MAPK10: variants seen among roughly 807,000 people sequenced by gnomAD.
The protein encoded by MAPK10 is mitogen-activated protein kinase 10.
A neutral mutation model predicts 59.3 loss-of-function variants in MAPK10; 25 were observed. The ratio of observed to expected loss-of-function variants is 0.42; its 90% CI spans 0.31 to 0.59. MAPK10 has a LOEUF of 0.59. Among genes scored for constraint, MAPK10 ranks in the 20% least tolerant of loss-of-function variants. MAPK10 has a pLI of 0.15. For missense variants in MAPK10, 351 were observed against 568.9 expected, an observed-to-expected ratio of 0.62 and a Z score of 3.90; for synonymous variants, 190 against 200.5, an observed-to-expected ratio of 0.95 and a Z score of 0.44.
chr4:86,137,428 A>T (rs544910383), intron 4 of MAPK10, among the ~76,000 whole-genome samples: 9 of 138,612 alleles, frequency 6.5e-5, no homozygotes, highest in Non-Finnish European at 1.2e-4. Context: ...CTGCTCCTGA[A>T]TGACTACTGG....
intron 1 of MAPK10, among the ~76,000 whole-genome samples, chr4:86,389,172 C>A (rs939238666): frequency 6.6e-6 from 1 of 152,056 alleles, no homozygotes; most frequent in Non-Finnish European, 1.5e-5. Context: ...CAGCTCCCCC[C>A]ACCCTCTTGC....
At chr4:86,259,584 C>T (rs2093900849) in intron 2 of MAPK10, among the ~76,000 whole-genome samples, 1 of 151,994 alleles carries the variant, frequency 6.6e-6, no homozygotes, top group Non-Finnish European at 1.5e-5. Context: ...TTTATATTTC[C>T]AATAGTGGGA....
At chr4:86,134,379 A>T (rs1172157980) in intron 4 of MAPK10, among the ~76,000 whole-genome samples, 2 of 152,214 alleles carry the variant, frequency 1.3e-5, no homozygotes, top group African/African-American at 4.8e-5. Flanking sequence ...ACAAATTGAA[A>T]ATTTCTCTGA....
intron 1 of MAPK10, among the ~76,000 whole-genome samples, chr4:86,418,509 A>T (rs759045595): frequency 6.6e-6 from 1 of 152,250 alleles, no homozygotes. Flanking sequence ...ATAAATTATA[A>T]GCTAAAATTA....
chr4:86,346,911 C>T (rs1462357334), intron 2 of MAPK10, among the ~76,000 whole-genome samples: 1 of 152,096 alleles, frequency 6.6e-6, no homozygotes, highest in East Asian at 1.9e-4. Flanking sequence ...TGCACACACA[C>T]ATATGTCTTA....
rs773849072 is a variant in MAPK10 at position 86,061,502 on chromosome 4, CAT to C, written c.1110+2762_1110+2763del. Among the ~76,000 whole-genome samples the C allele has an allele frequency of 4.6e-5, 7 of 152,216 alleles. No homozygotes were observed. The East Asian group carries it at 7.7e-4, about 17-fold the overall frequency. ...ATCCAATTTTTAAAATTTTCTAACT[CAT>C]GTGTACATGACTAATTTTCCCTCTC... On this transcript the variant is annotated intron_variant, in intron 11 of 13. Coordinates refer to ENST00000641462, the MANE Select transcript of MAPK10 (RefSeq NM_138982.4).
chr4:86,171,259 C>A (rs2074033772), intron 3 of MAPK10, among the ~76,000 whole-genome samples: 1 of 152,022 alleles, frequency 6.6e-6, no homozygotes, highest in Non-Finnish European at 1.5e-5. Context: ...ACACAAAAAA[C>A]CCTTCAAAAA....
At chr4:86,345,628 G>T (rs1012303660) in intron 2 of MAPK10, among the ~76,000 whole-genome samples, 4 of 152,100 alleles carry the variant, frequency 2.6e-5, no homozygotes, top group Admixed American at 1.3e-4. Flanking sequence ...TAAAAATCTA[G>T]CTTCAAGGGC....
chr4:86,348,694 A>T (rs1190023300), intron 2 of MAPK10, among the ~76,000 whole-genome samples: 1 of 152,180 alleles, frequency 6.6e-6, no homozygotes, highest in African/African-American at 2.4e-5. Context: ...TATGTGCAGT[A>T]CCTACTATCT....
In MAPK10 at chr4:86,159,390, G is replaced by A; in HGVS notation, c.144C>T (p.Phe48=). The change falls in exon 4 of 14, where the codon TTC becomes TTT. Residue 48 remains phenylalanine, a synonymous_variant. Transcript: ENST00000641462. ...NMSKSKVDNQ[F]YSVEVGDSTF... Reference sequence around the variant, plus strand: ...TTGAGTCTCCCACTTCCACACTGTAGAACTGGTTGTCAACTTTGCTTTTGC... The same window carrying A: ...TTGAGTCTCCCACTTCCACACTGTAAAACTGGTTGTCAACTTTGCTTTTGC... 1 of 1,612,872 alleles carries A rather than the reference G, an allele frequency of 6.2e-7. No individual in the cohort carries two copies. The highest frequency in any genetic ancestry group is 8.5e-7 in the Non-Finnish European group (1 of 1,179,172).
At chr4:86,350,811 G>A (rs1275887234) in intron 2 of MAPK10, among the ~76,000 whole-genome samples, 1 of 152,146 alleles carries the variant, frequency 6.6e-6, no homozygotes, top group African/African-American at 2.4e-5. Context: ...AGTATGCTAG[G>A]CTACTTAAAT....
At chr4:86,455,627 A>G (rs1234501737), upstream of MAPK10, among the ~76,000 whole-genome samples, 3 of 152,188 alleles carry the variant, frequency 2.0e-5, no homozygotes, top group East Asian at 3.8e-4. Context: ...ATATAAATGC[A>G]CCTAACACTA....
At chr4:86,519,287 T>G (rs1164843047) in intron 1 of MAPK10, among the ~76,000 whole-genome samples, 1 of 152,208 alleles carries the variant, frequency 6.6e-6, no homozygotes, top group Non-Finnish European at 1.5e-5. Context: ...TTTATAAACT[T>G]GAAAGCCCCA....
intron 2 of MAPK10, among the ~76,000 whole-genome samples, chr4:86,236,293 G>T (rs1402956102): frequency 6.6e-6 from 1 of 152,112 alleles, no homozygotes; most frequent in Non-Finnish European, 1.5e-5. Context: ...AACATATTCA[G>T]AGGTTCCAGG....
chr4:86,048,529 A>G (rs1260092782), intron 11 of MAPK10, among the ~76,000 whole-genome samples: 1 of 152,142 alleles, frequency 6.6e-6, no homozygotes, highest in East Asian at 1.9e-4. Context: ...TTAAAGCCAC[A>G]TGTCATTTGC....
intron 1 of MAPK10, among the ~76,000 whole-genome samples, chr4:86,446,877 T>C (rs1159768959): frequency 1.3e-5 from 2 of 152,172 alleles, no homozygotes; most frequent in Non-Finnish European, 2.9e-5. Flanking sequence ...ATATCTTTAT[T>C]TTTCCCATGT....
At chr4:86,558,735 T>C (rs1189222010) in intron 1 of MAPK10, among the ~76,000 whole-genome samples, 1 of 152,116 alleles carries the variant, frequency 6.6e-6, no homozygotes. Flanking sequence ...AAAATGAATT[T>C]TTGACATAAT....
In MAPK10 at chr4:86,013,323, T is replaced by C. The variant is rs1375438159; in HGVS notation, c.*3905A>G. 1 of 152,238 alleles carries C rather than the reference T, an allele frequency of 6.6e-6. No homozygotes were observed. The highest frequency in any genetic ancestry group is 1.5e-5 in the Non-Finnish European group (1 of 68,042). 9.4% of individuals were successfully genotyped at this position (152,238 alleles called of 1,614,324 possible). A position where few individuals can be genotyped will look rare whatever the true frequency, so the allele number is the denominator to read the frequency against. On this transcript the variant is annotated 3_prime_UTR_variant, in exon 14 of 14. Coordinates refer to ENST00000641462, the MANE Select transcript of MAPK10 (RefSeq NM_138982.4). ...ATCTGTGGAAAATGTTGAACTCTTA[T>C]AATTAAAATGTGTGTGGGGGATTGT...
At chr4:86,585,210 C>A (rs1043437549) in intron 1 of MAPK10, among the ~76,000 whole-genome samples, 2 of 152,092 alleles carry the variant, frequency 1.3e-5, no homozygotes, top group African/African-American at 4.8e-5. Flanking sequence ...AGTCTTATTT[C>A]CCCCTCCACA....
Sources: gnomAD v4.1 joint callset for allele counts (sites outside exome capture counted in the v4.1 genomes callset) on GRCh38, gnomAD v4.1.1 for gene constraint, MANE v1.5 for transcripts, NCBI Gene and HGNC (gene_info 2026-07-23, HGNC 2026-07-21) for gene names.